NUDT4: variants seen among roughly 807,000 people sequenced by gnomAD.
The protein encoded by NUDT4 is diphosphoinositol polyphosphate phosphohydrolase 2.
Under a neutral mutation model 23.1 loss-of-function variants are expected in NUDT4, and 5 were observed. That is an observed-to-expected ratio of 0.22 (90% CI 0.11 to 0.46). The LOEUF is 0.46. Ranked by LOEUF, NUDT4 falls within the 20% of genes least tolerant of loss-of-function variation. The probability of loss-of-function intolerance (pLI) is 0.99; values close to 1 mark genes in which losing one functional copy is unlikely to be tolerated. For synonymous variants in NUDT4, 50 were observed against 79.0 expected (o/e 0.63, Z 1.95); for missense variants, 96 against 211.6 (o/e 0.45, Z 3.39).
intron 1 of NUDT4, among the ~76,000 whole-genome samples, chr12:93,385,779 A>G (rs1301877135): frequency 6.6e-6 from 1 of 151,632 alleles, no homozygotes; most frequent in Non-Finnish European, 1.5e-5. Context: ...TTTGAAATCA[A>G]TATTATTGCA....
intron 1 of NUDT4, among the ~76,000 whole-genome samples, chr12:93,389,462 T>A (rs537717200): frequency 2.8e-4 from 43 of 151,958 alleles, no homozygotes; most frequent in African/African-American, 1.0e-3. Flanking sequence ...GCTAAATCAC[T>A]TATCAAATTT....
chr12:93,386,591 A>C (rs1876119260), intron 1 of NUDT4, among the ~76,000 whole-genome samples: 1 of 152,072 alleles, frequency 6.6e-6, no homozygotes, highest in African/African-American at 2.4e-5. Context: ...AAAAAAAAAA[A>C]GAAGCTATTA....
chr12:93,377,959 T>C lies in NUDT4; in HGVS notation c.-364T>C, dbSNP rs936661188. The stretch of plus-strand genomic sequence containing the variant: ...GGTGCTGCTGCTCAGTGGGAGCGGG[T>C]CTTCGCAACTGTCTCCGCGTGGCGC... On this transcript the variant is annotated 5_prime_UTR_variant, in exon 1 of 5. Coordinates refer to ENST00000415493, the MANE Select transcript of NUDT4 (RefSeq NM_019094.6). The C allele has an allele frequency of 6.7e-5, 18 of 269,924 alleles. No individual in the cohort carries two copies. The highest frequency in any genetic ancestry group is 3.6e-4 in the South Asian group (10 of 27,876). 16.7% of individuals were successfully genotyped at this position (269,924 alleles called of 1,614,324 possible).
intron 1 of NUDT4, among the ~76,000 whole-genome samples, chr12:93,392,246 C>CA (rs199861354): frequency 1.5e-5 from 2 of 131,270 alleles, no homozygotes; most frequent in African/African-American, 5.4e-5. Flanking sequence ...CTTTGTTTCC[C>CA]CCCCCCCCTT....
At chr12:93,389,426 T>G (rs1876329113) in intron 1 of NUDT4, among the ~76,000 whole-genome samples, 1 of 151,548 alleles carries the variant, frequency 6.6e-6, no homozygotes, top group Non-Finnish European at 1.5e-5. Flanking sequence ...GAGCCGAGAT[T>G]CTTATATCAT....
At position 93,403,997 on chromosome 12, in the gene NUDT4, TA is replaced by T. The variant is rs926676758; in HGVS notation, c.*4619del. 4.6e-5 allele frequency: 7 copies of T among 152,244 alleles called. No individual in the cohort carries two copies. The highest frequency in any genetic ancestry group is 1.7e-4 in the African/African-American group (7 of 41,454). The allele number at this position is 152,244 out of a possible 1,614,324, so 9.4% of individuals were successfully genotyped here. ...TCAGCAAATTCTGATAACCCGGTAT[TA>T]CTCTTAATGCATTTTTGTAACATTT... is the stretch of plus-strand genomic sequence containing the variant. On this transcript the variant is annotated 3_prime_UTR_variant, in exon 5 of 5. Transcript: ENST00000415493.
chr12:93,386,498 T>C (rs574634227), intron 1 of NUDT4, among the ~76,000 whole-genome samples: 2 of 151,870 alleles, frequency 1.3e-5, no homozygotes, highest in African/African-American at 4.8e-5. Flanking sequence ...GAGAATTGCT[T>C]GAACCCAGGA....
intron 1 of NUDT4, among the ~76,000 whole-genome samples, chr12:93,394,230 C>G (rs1195342071): frequency 2.0e-5 from 3 of 152,288 alleles, no homozygotes; most frequent in South Asian, 4.1e-4. Flanking sequence ...TCTCGATCTC[C>G]TGACCTCTTG....
intron 1 of NUDT4, among the ~76,000 whole-genome samples, chr12:93,388,505 T>G (rs1876261578): frequency 6.6e-6 from 1 of 152,220 alleles, no homozygotes; most frequent in African/African-American, 2.4e-5. Context: ...GTGCTTCTCT[T>G]TAAGGTGGAG....
At chr12:93,384,107 T>C (rs1176136362) in intron 1 of NUDT4, among the ~76,000 whole-genome samples, 2 of 152,132 alleles carry the variant, frequency 1.3e-5, no homozygotes, top group Non-Finnish European at 2.9e-5. Flanking sequence ...CAGCACCCTT[T>C]TATACATCAC....
Position 93,385,970 on chromosome 12 carries a change from T to TATATATATACAC in NUDT4, c.99+7550_99+7551insTATATATACACA, listed in dbSNP as rs1243696865. ...ATATATATATATATATATATATATA[T>TATATATATACAC]ACATAATTTTTTTTTTCTTTTTGAG... On this transcript the variant is annotated intron_variant, in intron 1 of 4. Coordinates refer to ENST00000415493, the MANE Select transcript of NUDT4 (RefSeq NM_019094.6). 9.3e-5 allele frequency among the ~76,000 whole-genome samples: 11 copies of TATATATATACAC among 118,610 alleles called. No individual in the cohort carries two copies. In the East Asian group the frequency reaches 1.6e-3, roughly 18 times the overall value. The allele number at this position is 118,610 out of a possible 152,430, so 77.8% of individuals were successfully genotyped here. A position where few individuals can be genotyped will look rare whatever the true frequency, so the allele number is the denominator to read the frequency against.
intron 4 of NUDT4, 110 bp downstream of exon 4, chr12:93,398,965 C>G: frequency 1.2e-6 from 1 of 867,872 alleles, no homozygotes; most frequent in Non-Finnish European, 1.8e-6. Flanking sequence ...GCTTATATTC[C>G]TGTGTCCAGT....
At chr12:93,389,899 C>CAA (rs112297022) in intron 1 of NUDT4, among the ~76,000 whole-genome samples, 26 of 139,016 alleles carry the variant, frequency 1.9e-4, no homozygotes, top group Admixed American at 5.7e-4. Context: ...GACTCTGTCT[C>CAA]AAAAAAAAAA....
chr12:93,408,051 T>C lies in NUDT4; in HGVS notation c.*8672T>C, dbSNP rs1877912343. On this transcript the variant is annotated 3_prime_UTR_variant, in exon 5 of 5. Transcript: ENST00000415493. ...TTTTGTAGTGCAACAGATTTAAATC[T>C]GGAATTTCATGGTTTGTAAATCACT... The C allele has an allele frequency of 6.6e-6, 1 of 152,254 alleles. No individual in the cohort carries two copies. Among genetic ancestry groups the C allele is most frequent in the African/African-American group, 2.4e-5 (1 of 41,476 alleles). 9.4% of individuals were successfully genotyped at this position (152,254 alleles called of 1,614,324 possible).
rs1877525665 is a variant in NUDT4, at chr12:93,402,454, G to A, written c.*3075G>A. 1 of 152,172 alleles carries A rather than the reference G, an allele frequency of 6.6e-6. No individual in the cohort carries two copies. Among genetic ancestry groups the A allele is most frequent in the Non-Finnish European group, 1.5e-5 (1 of 68,026 alleles). 9.4% of individuals were successfully genotyped at this position (152,172 alleles called of 1,614,324 possible). On this transcript the variant is annotated 3_prime_UTR_variant, in exon 5 of 5. Coordinates refer to ENST00000415493, the MANE Select transcript of NUDT4 (RefSeq NM_019094.6). Reference sequence around the variant, plus strand: ...TGCTTACCCTGGGTTGTTTAAACTTGTGTTCAAATATTCCCCCTCCAAGTG... The same window carrying A: ...TGCTTACCCTGGGTTGTTTAAACTTATGTTCAAATATTCCCCCTCCAAGTG...
intron 1 of NUDT4, 128 bp downstream of exon 1, chr12:93,378,549 C>T (rs1875378870): frequency 3.1e-6 from 4 of 1,311,430 alleles, no homozygotes; most frequent in Non-Finnish European, 3.0e-6. Flanking sequence ...CTCCCTCCCT[C>T]CTTTCCTCCC....
At chr12:93,395,804 T>C (rs950163829) in intron 3 of NUDT4, among the ~76,000 whole-genome samples, 1 of 152,194 alleles carries the variant, frequency 6.6e-6, no homozygotes, top group Non-Finnish European at 1.5e-5. Context: ...TACTACAACC[T>C]CTGCCTCCCA....
At position 93,400,533 on chromosome 12, in the gene NUDT4, A is replaced by T. The variant is rs1185500290; in HGVS notation, c.*1154A>T. ...CCCATCTAAAACACATAGGTACCTTATCTGAAACTCTTGCACTTCCCCAAC... is the reference window on the plus strand; with the variant it reads ...CCCATCTAAAACACATAGGTACCTTTTCTGAAACTCTTGCACTTCCCCAAC... On this transcript the variant is annotated 3_prime_UTR_variant, in exon 5 of 5. Coordinates refer to ENST00000415493, the MANE Select transcript of NUDT4 (RefSeq NM_019094.6). 1 of 152,264 alleles carries T rather than the reference A, an allele frequency of 6.6e-6. No homozygotes were observed. The highest frequency in any genetic ancestry group is 1.5e-5 in the Non-Finnish European group (1 of 68,040). 9.4% of individuals were successfully genotyped at this position (152,264 alleles called of 1,614,324 possible).
chr12:93,397,340 G>T (rs2120965639), intron 3 of NUDT4, among the ~76,000 whole-genome samples: 1 of 152,236 alleles, frequency 6.6e-6, no homozygotes, highest in South Asian at 2.1e-4. Context: ...GATATAAAAA[G>T]ATAATCCTTC....
Sources: gnomAD v4.1 joint callset for allele counts (sites outside exome capture counted in the v4.1 genomes callset) on GRCh38, gnomAD v4.1.1 for gene constraint, MANE v1.5 for transcripts, NCBI Gene and HGNC (gene_info 2026-07-23, HGNC 2026-07-21) for gene names.